The following THSD7B variants were observed in gnomAD, a reference collection of about 807,000 sequenced individuals.
The protein encoded by THSD7B is thrombospondin type-1 domain-containing protein 7B.
Under a neutral mutation model 213.6 loss-of-function variants are expected in THSD7B, and 138 were observed. The observed-to-expected ratio is 0.65, with a 90% confidence interval of 0.56 to 0.74. The LOEUF (loss-of-function observed/expected upper bound fraction) is 0.74, where lower values mean the gene tolerates loss of function less well. Among genes scored for constraint, THSD7B ranks in the 30% least tolerant of loss-of-function variants. THSD7B has a pLI of 0.00. For missense variants in THSD7B, 1,931 were observed against 1,991.5 expected, an observed-to-expected ratio of 0.97 and a Z score of 0.58; for synonymous variants, 742 against 687.0, an observed-to-expected ratio of 1.08 and a Z score of -1.25.
intron 24 of THSD7B, among the ~76,000 whole-genome samples, chr2:137,659,370 A>G (rs1038213552): frequency 2.0e-5 from 3 of 152,184 alleles, no homozygotes; most frequent in Admixed American, 2.0e-4. Context: ...ATTCTTCTAC[A>G]GATTCTGGCT....
In THSD7B at chr2:136,957,437, G is replaced by GT. The variant is rs34483995; in HGVS notation, c.139+75135dup. On this transcript the variant is annotated intron_variant, in intron 2 of 27. Coordinates refer to ENST00000409968, the MANE Select transcript of THSD7B (RefSeq NM_001316349.2). The stretch of plus-strand genomic sequence containing the variant: ...TTTCAGTTGCATGGGCCAATACAAC[G>GT]TTTTTTTTTTTTTTTCTTGCTTTGA... Among the ~76,000 whole-genome samples, 583 of 129,884 alleles carry GT rather than the reference G, an allele frequency of 4.5e-3. 1 individual carries two copies. Among genetic ancestry groups the GT allele is most frequent in the African/African-American group, 0.014 (413 of 29,444 alleles). The allele number at this position is 129,884 out of a possible 152,430, so 85.2% of individuals were successfully genotyped here. A position where few individuals can be genotyped will look rare whatever the true frequency, so the allele number is the denominator to read the frequency against.
At chr2:137,045,362 G>A (rs1686951068) in intron 2 of THSD7B, among the ~76,000 whole-genome samples, 1 of 152,132 alleles carries the variant, frequency 6.6e-6, no homozygotes, top group African/African-American at 2.4e-5. Flanking sequence ...ATTCAATCTT[G>A]TAACCCAGAG....
chr2:136,935,584 T>C (rs961456998), intron 2 of THSD7B, among the ~76,000 whole-genome samples: 1 of 152,116 alleles, frequency 6.6e-6, no homozygotes, highest in Non-Finnish European at 1.5e-5. Context: ...TATTTTTAAC[T>C]TGATGAAAAA....
Position 137,094,298 on chromosome 2 carries a change from C to T in THSD7B, c.951-575C>T, listed in dbSNP as rs114052341. On this transcript the variant is annotated intron_variant, in intron 3 of 27. Coordinates refer to ENST00000409968, the MANE Select transcript of THSD7B (RefSeq NM_001316349.2). ...GAAAGCAGTCTAGAAGGGCTGGGCG[C>T]GATGGCTCATGCCTGTAGTCCCAGT... is the stretch of plus-strand genomic sequence containing the variant. Among the ~76,000 whole-genome samples the T allele has an allele frequency of 3.7e-3, 567 of 152,232 alleles. 1 individual carries two copies. The highest frequency in any genetic ancestry group is 9.0e-3 in the African/African-American group (375 of 41,544).
At chr2:137,015,983 T>TTTTGG (rs1686332272) in intron 2 of THSD7B, among the ~76,000 whole-genome samples, 1 of 152,178 alleles carries the variant, frequency 6.6e-6, no homozygotes, top group Non-Finnish European at 1.5e-5. Context: ...CAGCAGTGAA[T>TTTTGG]GGTAAAACAG....
chr2:136,870,711 A>G (rs1683418141), intron 1 of THSD7B, among the ~76,000 whole-genome samples: 1 of 152,202 alleles, frequency 6.6e-6, no homozygotes, highest in Non-Finnish European at 1.5e-5. Flanking sequence ...TTGAGGAACA[A>G]GAAAGAGGCC....
At chr2:137,132,312 C>T (rs1321043165) in intron 5 of THSD7B, among the ~76,000 whole-genome samples, 7 of 151,184 alleles carry the variant, frequency 4.6e-5, no homozygotes, top group African/African-American at 1.7e-4. Context: ...GATATACAAT[C>T]ATGTCGTCTG....
intron 15 of THSD7B, among the ~76,000 whole-genome samples, chr2:137,557,634 C>G (rs1573706881): frequency 6.6e-6 from 1 of 152,164 alleles, no homozygotes; most frequent in African/African-American, 2.4e-5. Flanking sequence ...AATTGACACC[C>G]TAACATCACA....
intron 2 of THSD7B, among the ~76,000 whole-genome samples, chr2:136,927,922 A>G (rs912769910): frequency 6.6e-6 from 1 of 152,202 alleles, no homozygotes; most frequent in Non-Finnish European, 1.5e-5. Context: ...TCTTATCATG[A>G]ATGTCATCTC....
chr2:137,304,613 C>T (rs1683700420), intron 12 of THSD7B, among the ~76,000 whole-genome samples: 1 of 151,932 alleles, frequency 6.6e-6, no homozygotes, highest in South Asian at 2.1e-4. Context: ...CAGTAGGCCC[C>T]CTCATCCTTT....
chr2:137,058,885 C>T (rs557647641), intron 3 of THSD7B, among the ~76,000 whole-genome samples: 1 of 152,230 alleles, frequency 6.6e-6, no homozygotes, highest in East Asian at 1.9e-4. Flanking sequence ...ATGCTGGTAC[C>T]CTGGTCTCAG....
chr2:136,782,797 A>G (rs1453008060), intron 1 of THSD7B, among the ~76,000 whole-genome samples: 3 of 152,208 alleles, frequency 2.0e-5, no homozygotes, highest in African/African-American at 7.2e-5. Flanking sequence ...TATGTGAGTT[A>G]ATGCATGTGT....
At chr2:137,093,058 T>C (rs1204602320) in intron 3 of THSD7B, among the ~76,000 whole-genome samples, 1 of 152,194 alleles carries the variant, frequency 6.6e-6, no homozygotes, top group Non-Finnish European at 1.5e-5. Context: ...CCTCCCAAAG[T>C]ATTGGTTGCC....
rs145196620 is a variant in THSD7B, at chr2:136,796,928, G to A, written c.-36+31241G>A. The stretch of plus-strand genomic sequence containing the variant: ...CCATAAATAAGGTTTGGAAGAGCTT[G>A]GGAGGGTATAACTACCAATTTTACT... On this transcript the variant is annotated intron_variant, in intron 1 of 27. Transcript: ENST00000409968. 1.1e-3 allele frequency among the ~76,000 whole-genome samples: 168 copies of A among 151,276 alleles called. 1 individual carries two copies. In the Middle Eastern group the frequency reaches 0.014, roughly 12 times the overall value.
At chr2:137,538,536 AGTGAAAAGAAGCT>A (rs1558831490) in intron 15 of THSD7B, 1 of 508,012 alleles carries the variant, frequency 2.0e-6, no homozygotes, top group Admixed American at 2.1e-5. Context: ...GTTTTTATTT[AGTGAAAAGAAGCT>A]TTGATGTTTT....
At chr2:137,157,290 A>G (rs1226515758) in intron 5 of THSD7B, among the ~76,000 whole-genome samples, 6 of 152,194 alleles carry the variant, frequency 3.9e-5, no homozygotes, top group Admixed American at 1.3e-4. Flanking sequence ...AAAGCTGCCC[A>G]TGGGGTCTCC....
At chr2:137,054,155 C>T (rs995054080) in intron 2 of THSD7B, among the ~76,000 whole-genome samples, 3 of 152,140 alleles carry the variant, frequency 2.0e-5, no homozygotes, top group Admixed American at 6.5e-5. Flanking sequence ...TAAGTCAGCC[C>T]GTGCTAAGAT....
chr2:136,860,522 T>C (rs1683242856), intron 1 of THSD7B, among the ~76,000 whole-genome samples: 1 of 152,202 alleles, frequency 6.6e-6, no homozygotes, highest in Non-Finnish European at 1.5e-5. Flanking sequence ...CCTTCCCCTA[T>C]CTGTTAGTAG....
In THSD7B at chr2:137,301,652, G is replaced by C. The variant is rs115812175; in HGVS notation, c.2500+25626G>C. Among the ~76,000 whole-genome samples, 349 of 152,078 alleles carry C rather than the reference G, an allele frequency of 2.3e-3. 2 individuals are homozygous for C. Among genetic ancestry groups the C allele is most frequent in the African/African-American group, 8.1e-3 (337 of 41,526 alleles). On this transcript the variant is annotated intron_variant, in intron 12 of 27. Coordinates refer to ENST00000409968, the MANE Select transcript of THSD7B (RefSeq NM_001316349.2). ...TGTTGATCAAGGAAGCTCTTGCTTA[G>C]AAAGTAACATTTGAGCAAACACTAG...
Sources: gnomAD v4.1 joint callset for allele counts (sites outside exome capture counted in the v4.1 genomes callset) on GRCh38, gnomAD v4.1.1 for gene constraint, MANE v1.5 for transcripts, NCBI Gene and HGNC (gene_info 2026-07-23, HGNC 2026-07-21) for gene names.